Variants in IQCB1 observed in about 807,000 individuals in gnomAD.
The protein encoded by IQCB1 is IQ calmodulin-binding motif-containing protein 1.
IQCB1 carries 56 observed loss-of-function variants against 84.4 expected under a neutral mutation model. The observed-to-expected ratio is 0.66, with a 90% CI of 0.54 to 0.83. IQCB1 has a LOEUF of 0.83. Among genes scored for constraint, IQCB1 ranks in the 40% least tolerant of loss-of-function variants. The probability of loss-of-function intolerance (pLI) is 0.00; values close to 1 mark genes in which losing one functional copy is unlikely to be tolerated. For missense variants in IQCB1, 629 were observed against 682.1 expected, an observed-to-expected ratio of 0.92 and a Z score of 0.87; for synonymous variants, 210 against 234.8, an observed-to-expected ratio of 0.89 and a Z score of 0.96.
chr3:121,795,625 A>G, intron 9 of IQCB1, 59 bp from the exon 10 acceptor site: 1 of 859,776 alleles, frequency 1.2e-6, no homozygotes, highest in Non-Finnish European at 1.9e-6. Context: ...AAAAAAAAAA[A>G]GTTTACCTCT....
At chr3:121,830,227 TAAA>T (rs1950591566) in intron 2 of IQCB1, among the ~76,000 whole-genome samples, 13 of 148,452 alleles carry the variant, frequency 8.8e-5, no homozygotes, top group Non-Finnish European at 1.6e-4. Context: ...TAATAATTAA[TAAA>T]TAAGTAAATA....
At chr3:121,797,350 CATATGATTTTTCTT>C in intron 8 of IQCB1, 123 bp from the exon 9 acceptor site, 1 of 526,026 alleles carries the variant, frequency 1.9e-6, no homozygotes, top group South Asian at 3.1e-5. Context: ...CAAGATTAAT[CATATGATTTTTCTT>C]TTTCCTTTTC....
chr3:121,799,531 T>C (rs1221138749), intron 7 of IQCB1, among the ~76,000 whole-genome samples, 157 bp from the exon 8 acceptor site: 1 of 151,850 alleles, frequency 6.6e-6, no homozygotes, highest in Non-Finnish European at 1.5e-5. Context: ...CAAGAAGATA[T>C]CATATTCAGT....
At position 121,807,395 on chromosome 3, in the gene IQCB1, T is replaced by G. The variant is rs752734771; in HGVS notation, c.536A>C (p.Gln179Pro). ...FLHLLQADNV[Q>P]IGSAVMMMLQ... Reference sequence around the variant, plus strand: ...CATCATCATGACTGCAGATCCTATTTGGACATTGTCAGCTTGCAGTAAATG... The same window carrying G: ...CATCATCATGACTGCAGATCCTATTGGGACATTGTCAGCTTGCAGTAAATG... The change falls in exon 7 of 15, where the codon CAA becomes CCA. Residue 179 changes from glutamine (Q) to proline (P), a missense_variant. By Grantham distance (76) the Gln-to-Pro change is moderately conservative. Transcript: ENST00000310864. The G allele has an allele frequency of 1.1e-5, 17 of 1,584,620 alleles. No individual in the cohort carries two copies. The highest frequency in any genetic ancestry group is 1.3e-5 in the Non-Finnish European group (15 of 1,153,896).
At chr3:121,798,454 A>C (rs564173705) in intron 8 of IQCB1, among the ~76,000 whole-genome samples, 1 of 152,054 alleles carries the variant, frequency 6.6e-6, no homozygotes, top group African/African-American at 2.4e-5. Context: ...AAAGAAATAA[A>C]ACAAAGATAA....
intron 7 of IQCB1, among the ~76,000 whole-genome samples, chr3:121,802,438 T>C (rs1049248221): frequency 1.3e-5 from 2 of 152,118 alleles, no homozygotes; most frequent in African/African-American, 2.4e-5. Context: ...GTTTATATTA[T>C]TCCCTTGTGA....
At chr3:121,809,212 T>C (rs1238510585) in intron 5 of IQCB1, among the ~76,000 whole-genome samples, 1 of 151,926 alleles carries the variant, frequency 6.6e-6, no homozygotes, top group Non-Finnish European at 1.5e-5. Context: ...CTAGAAATGG[T>C]TGTTATCCAG....
chr3:121,773,567 G>T (rs761193123), intron 13 of IQCB1, among the ~76,000 whole-genome samples: 3 of 152,092 alleles, frequency 2.0e-5, no homozygotes, highest in Admixed American at 2.0e-4. Context: ...TAACTTTGGA[G>T]GTGATAAAGA....
chr3:121,814,598 C>T (rs1020304801), intron 5 of IQCB1, among the ~76,000 whole-genome samples: 1 of 152,118 alleles, frequency 6.6e-6, no homozygotes. Flanking sequence ...ACTGATCCCA[C>T]AGAAATACAA....
chr3:121,778,324 G>T (rs550896810), intron 13 of IQCB1, among the ~76,000 whole-genome samples: 1 of 151,844 alleles, frequency 6.6e-6, no homozygotes, highest in Non-Finnish European at 1.5e-5. Flanking sequence ...CATTCTATAG[G>T]CTGTTTACTG....
chr3:121,801,705 T>G (rs769207573), intron 7 of IQCB1, among the ~76,000 whole-genome samples: 4 of 151,942 alleles, frequency 2.6e-5, no homozygotes, highest in Non-Finnish European at 4.4e-5. Flanking sequence ...TCCTTGTATT[T>G]CATTGTAGTT....
chr3:121,780,864 A>ATT (rs1559754434), intron 13 of IQCB1, among the ~76,000 whole-genome samples: 51 of 147,684 alleles, frequency 3.5e-4, no homozygotes, highest in African/African-American at 1.3e-3. Flanking sequence ...GTGTGTGTGT[A>ATT]TGTGTGTGTG....
intron 10 of IQCB1, among the ~76,000 whole-genome samples, chr3:121,793,874 AAG>A (rs895670933): frequency 4.6e-5 from 7 of 152,306 alleles, no homozygotes; most frequent in Admixed American, 3.9e-4. Flanking sequence ...TTAATATTGA[AAG>A]AGAGAGTATA....
At chr3:121,798,231 G>T (rs1949275597) in intron 8 of IQCB1, among the ~76,000 whole-genome samples, 1 of 151,716 alleles carries the variant, frequency 6.6e-6, no homozygotes, top group African/African-American at 2.4e-5. Flanking sequence ...CTAATTCAAG[G>T]TACATTATTA....
Position 121,828,946 on chromosome 3 carries a change from A to G in IQCB1, c.15T>C (p.Gly5=), listed in dbSNP as rs1950543167. 6.2e-7 allele frequency: 1 copy of G among 1,608,840 alleles called. No homozygotes were observed. Among genetic ancestry groups the G allele is most frequent in the Non-Finnish European group, 8.5e-7 (1 of 1,176,042 alleles). Residue 5 remains glycine, a synonymous_variant, in exon 3 of 15, where the codon GGT becomes GGC. Coordinates refer to ENST00000310864, the MANE Select transcript of IQCB1 (RefSeq NM_001023570.4). MKPT[G]TDPRILSIAA... ...CTATAGATAAGATCCTTGGGTCTGT[A>G]CCTGTTGGCTTCATTTCTCTTATTA... is the stretch of plus-strand genomic sequence containing the variant.
At chr3:121,815,928 CAAAA>C (rs36019026) in intron 5 of IQCB1, among the ~76,000 whole-genome samples, 2 of 88,778 alleles carry the variant, frequency 2.3e-5, no homozygotes, top group Non-Finnish European at 2.2e-5. Context: ...CATGTGGAAC[CAAAA>C]AAAAAAAAAA....
At chr3:121,813,789 G>A (rs777374277) in intron 5 of IQCB1, among the ~76,000 whole-genome samples, 34 of 152,040 alleles carry the variant, frequency 2.2e-4, no homozygotes, top group Non-Finnish European at 3.4e-4. Context: ...CTTAGAGACC[G>A]ACAAAGAGAC....
At chr3:121,800,692 AAG>A (rs932041792) in intron 7 of IQCB1, among the ~76,000 whole-genome samples, 4 of 151,800 alleles carry the variant, frequency 2.6e-5, no homozygotes, top group African/African-American at 9.7e-5. Context: ...ATATCCCACC[AAG>A]AGTTTGTGCT....
intron 2 of IQCB1, among the ~76,000 whole-genome samples, chr3:121,830,938 T>C (rs1559806834): frequency 1.3e-5 from 2 of 152,224 alleles, no homozygotes; most frequent in East Asian, 1.9e-4. Flanking sequence ...AGTCTGTTAG[T>C]ATCAGATCAT....
Sources: allele counts gnomAD v4.1 joint callset (sites outside exome capture counted in the v4.1 genomes callset), GRCh38; gene constraint gnomAD v4.1.1; transcripts MANE v1.5; gene names NCBI Gene and HGNC (gene_info 2026-07-23, HGNC 2026-07-21).